The following RAB8B variants were observed in gnomAD, a reference collection of about 807,000 sequenced individuals.
RAB8B encodes ras-related protein Rab-8B.
A neutral mutation model predicts 32.0 loss-of-function variants in RAB8B; 11 were observed. The ratio of observed to expected loss-of-function variants is 0.34; its 90% CI spans 0.22 to 0.57. The LOEUF (loss-of-function observed/expected upper bound fraction) is 0.57. Ranked by LOEUF, RAB8B falls within the 20% of genes least tolerant of loss-of-function variation. The pLI, the probability that RAB8B is intolerant of heterozygous loss-of-function variation, is 0.86. For missense variants in RAB8B, 190 were observed against 258.5 expected, an observed-to-expected ratio of 0.73 and a Z score of 1.82; for synonymous variants, 103 against 89.6, an observed-to-expected ratio of 1.15 and a Z score of -0.85.
chr15:63,197,353 CT>C (rs2037609765), intron 1 of RAB8B, among the ~76,000 whole-genome samples: 1 of 88,410 alleles, frequency 1.1e-5, no homozygotes. Flanking sequence ...TTTTTTCTTT[CT>C]TTCTTTCTTT....
intron 1 of RAB8B, among the ~76,000 whole-genome samples, chr15:63,197,370 C>CTTTTTTTTT (rs58765418): frequency 7.5e-3 from 459 of 61,340 alleles, no homozygotes; most frequent in Non-Finnish European, 9.9e-3. Flanking sequence ...TCTTTCTTTT[C>CTTTTTTTTT]TTTTTTTTTT....
At chr15:63,241,016 C>T (rs2038027962) in intron 1 of RAB8B, among the ~76,000 whole-genome samples, 1 of 152,150 alleles carries the variant, frequency 6.6e-6, no homozygotes, top group African/African-American at 2.4e-5. Flanking sequence ...TTAATCTGAA[C>T]AAATATTCTG....
intron 1 of RAB8B, among the ~76,000 whole-genome samples, chr15:63,200,068 A>G (rs926049377): frequency 6.6e-6 from 1 of 152,160 alleles, no homozygotes; most frequent in East Asian, 1.9e-4. Flanking sequence ...ATCAGACTAG[A>G]CTTTTCTGAT....
chr15:63,226,417 C>T (rs907951725), intron 1 of RAB8B, among the ~76,000 whole-genome samples: 1 of 152,192 alleles, frequency 6.6e-6, no homozygotes, highest in Non-Finnish European at 1.5e-5. Flanking sequence ...ACTTCAGTAT[C>T]ATAATCTCCA....
intron 1 of RAB8B, among the ~76,000 whole-genome samples, chr15:63,212,498 T>C (rs2037755957): frequency 6.6e-6 from 1 of 152,316 alleles, no homozygotes; most frequent in East Asian, 1.9e-4. Flanking sequence ...AGAGTCAAGA[T>C]GTATTAGTGA....
chr15:63,262,086 T>C (rs1375266113), intron 6 of RAB8B, among the ~76,000 whole-genome samples: 1 of 152,146 alleles, frequency 6.6e-6, no homozygotes, highest in East Asian at 1.9e-4. Flanking sequence ...AAGCCAGAAA[T>C]AAAAAGTAGA....
chr15:63,253,685 G>A (rs903098449), intron 3 of RAB8B, among the ~76,000 whole-genome samples: 26 of 152,188 alleles, frequency 1.7e-4, no homozygotes, highest in African/African-American at 5.5e-4. Flanking sequence ...AAAAAAGAAT[G>A]AAATTAATCA....
At chr15:63,227,347 C>T (rs1398979339) in intron 1 of RAB8B, among the ~76,000 whole-genome samples, 1 of 152,126 alleles carries the variant, frequency 6.6e-6, no homozygotes, top group Non-Finnish European at 1.5e-5. Flanking sequence ...GAAATCCTGC[C>T]CCAGGCTTGC....
intron 2 of RAB8B, among the ~76,000 whole-genome samples, chr15:63,245,545 T>A (rs1007628987): frequency 7.2e-5 from 11 of 152,342 alleles, no homozygotes; most frequent in East Asian, 5.8e-4. Context: ...ATTCTTTTTT[T>A]AATTTTCTTT....
At chr15:63,221,846 T>A (rs1314410639) in intron 1 of RAB8B, among the ~76,000 whole-genome samples, 1 of 152,260 alleles carries the variant, frequency 6.6e-6, no homozygotes, top group Non-Finnish European at 1.5e-5. Context: ...TTCACTTCTG[T>A]CTGCTTATTT....
At chr15:63,260,511 A>C (rs1023033733) in intron 6 of RAB8B, among the ~76,000 whole-genome samples, 1 of 152,204 alleles carries the variant, frequency 6.6e-6, no homozygotes, top group Non-Finnish European at 1.5e-5. Context: ...ATAAATTTTC[A>C]TTAAGTTAGC....
intron 1 of RAB8B, among the ~76,000 whole-genome samples, chr15:63,219,574 AC>A (rs1334396526): frequency 6.6e-6 from 1 of 152,012 alleles, no homozygotes; most frequent in African/African-American, 2.4e-5. Flanking sequence ...ATTTCATAAA[AC>A]TTTTGTTTCA....
intron 1 of RAB8B, chr15:63,223,086 T>C: frequency 2.2e-6 from 1 of 455,138 alleles, no homozygotes; most frequent in Non-Finnish European, 4.4e-6. Flanking sequence ...AAGTACCCTA[T>C]ATAGGTATAC....
intron 1 of RAB8B, among the ~76,000 whole-genome samples, chr15:63,232,416 T>A (rs1000042830): frequency 6.6e-6 from 1 of 152,232 alleles, no homozygotes; most frequent in Non-Finnish European, 1.5e-5. Flanking sequence ...AGTAAATTCT[T>A]CCTAATTTCT....
At chr15:63,247,054 T>C (rs1408253238) in intron 2 of RAB8B, among the ~76,000 whole-genome samples, 2 of 152,196 alleles carry the variant, frequency 1.3e-5, no homozygotes, top group Non-Finnish European at 1.5e-5. Context: ...AACATTTATT[T>C]CTCACAGTTC....
intron 1 of RAB8B, among the ~76,000 whole-genome samples, 160 bp from the exon 2 acceptor site, chr15:63,244,596 C>A (rs1346398893): frequency 6.6e-6 from 1 of 152,172 alleles, no homozygotes; most frequent in African/African-American, 2.4e-5. Flanking sequence ...ATTCCTTTCT[C>A]CAGCCTGTAT....
At chr15:63,262,605 C>T (rs558006128) in intron 6 of RAB8B, 87 bp from the exon 7 acceptor site, 11 of 425,762 alleles carry the variant, frequency 2.6e-5, no homozygotes, top group Middle Eastern at 8.8e-4. Context: ...ATCTCTGAGG[C>T]GGGGGGAATA....
chr15:63,207,864 C>T (rs538966924), intron 1 of RAB8B, among the ~76,000 whole-genome samples: 12 of 152,170 alleles, frequency 7.9e-5, no homozygotes, highest in African/African-American at 2.2e-4. Flanking sequence ...GCGCCTGGCC[C>T]CTTTTCCTCA....
At chr15:63,202,626 G>A (rs947271304) in intron 1 of RAB8B, among the ~76,000 whole-genome samples, 1 of 152,212 alleles carries the variant, frequency 6.6e-6, no homozygotes, top group Non-Finnish European at 1.5e-5. Flanking sequence ...TGTTATGCTT[G>A]TATGCTGTTG....
Sources: allele counts gnomAD v4.1 joint callset (sites outside exome capture counted in the v4.1 genomes callset), GRCh38; gene constraint gnomAD v4.1.1; transcripts MANE v1.5; gene names NCBI Gene and HGNC (gene_info 2026-07-23, HGNC 2026-07-21).